Variants in DDX17 observed in about 807,000 individuals in gnomAD.
The protein encoded by DDX17 is probable ATP-dependent RNA helicase DDX17.
In DDX17, 10 loss-of-function variants were observed where a neutral mutation model predicts 80.8. The ratio of observed to expected loss-of-function variants is 0.12; its 90% CI spans 0.08 to 0.21. DDX17 has a LOEUF of 0.21. DDX17 is among the 10% of genes least tolerant of loss of function. The probability of loss-of-function intolerance (pLI) is 1.00; values close to 1 mark genes in which losing one functional copy is unlikely to be tolerated. For missense variants in DDX17, 586 were observed against 957.4 expected, an observed-to-expected ratio of 0.61 and a Z score of 5.12; for synonymous variants, 339 against 336.2, an observed-to-expected ratio of 1.01 and a Z score of -0.09.
In DDX17 at chr22:38,486,271, G is replaced by C; in HGVS notation, c.1854C>G (p.Gly618=). Reference sequence around the variant, plus strand: ...CAAAGGCAGAATTTGGACTTCCATAGCCACTGCCATTAGCATAACCAGCTC... The same window carrying C: ...CAAAGGCAGAATTTGGACTTCCATACCCACTGCCATTAGCATAACCAGCTC... Residue 618 remains glycine (G), a synonymous_variant, in exon 13 of 13, where the codon GGC becomes GGG. Transcript: ENST00000403230. The C allele has an allele frequency of 6.2e-7, 1 of 1,614,138 alleles. No individual in the cohort carries two copies. The highest frequency in any genetic ancestry group is 2.2e-5 in the East Asian group (1 of 44,882).
intron 1 of DDX17, among the ~76,000 whole-genome samples, chr22:38,504,801 AAAGT>A (rs1472210115): frequency 1.3e-5 from 2 of 152,192 alleles, no homozygotes; most frequent in Admixed American, 1.3e-4. Context: ...ACAACACAGC[AAAGT>A]AAAGGCAATT....
At position 38,483,654 on chromosome 22, in the gene DDX17, T is replaced by C. The variant is rs547551408; in HGVS notation, c.*2281A>G. On this transcript the variant is annotated 3_prime_UTR_variant, in exon 13 of 13. Coordinates refer to ENST00000403230, the MANE Select transcript of DDX17 (RefSeq NM_006386.5). ...AGCACTGATCCCAAGCAAAAGCCAC[T>C]AACCTTTTAGATGAGAAGTCCACAC... The C allele has an allele frequency of 2.0e-5, 3 of 152,734 alleles. No individual in the cohort carries two copies. The highest frequency in any genetic ancestry group is 7.2e-5 in the African/African-American group (3 of 41,574). The allele number at this position is 152,734 out of a possible 1,614,324, so 9.5% of individuals were successfully genotyped here. A position where few individuals can be genotyped will look rare whatever the true frequency, so the allele number is the denominator to read the frequency against.
At chr22:38,497,801 A>AC (rs1250538595) in intron 5 of DDX17, among the ~76,000 whole-genome samples, 1 of 151,864 alleles carries the variant, frequency 6.6e-6, no homozygotes, top group East Asian at 1.9e-4. Context: ...AACAAAAAAA[A>AC]CCACACCAAA....
chr22:38,488,182 CCAA>C (rs2089679817), intron 11 of DDX17, 67 bp from the exon 12 acceptor site: 21 of 1,609,230 alleles, frequency 1.3e-5, no homozygotes, highest in Non-Finnish European at 1.7e-5. Context: ...AAAGGACATG[CCAA>C]CAACAGGTGG....
chr22:38,493,915 G>T, intron 9 of DDX17, 106 bp downstream of exon 9: 2 of 1,167,212 alleles, frequency 1.7e-6, no homozygotes, highest in Non-Finnish European at 2.5e-6. Context: ...AGAGCAAACT[G>T]CATGGATAGG....
rs2089621761 is a variant in DDX17 at position 38,483,485 on chromosome 22, T to C, written c.*2450A>G. On this transcript the variant is annotated 3_prime_UTR_variant, in exon 13 of 13. Coordinates refer to ENST00000403230, the MANE Select transcript of DDX17 (RefSeq NM_006386.5). ...TTATACCTACAAAAAGAAAACAAGATGATGGTATCAAAAGGACAATTTACA... is the reference window on the plus strand; with the variant it reads ...TTATACCTACAAAAAGAAAACAAGACGATGGTATCAAAAGGACAATTTACA... 1 of 152,616 alleles carries C rather than the reference T, an allele frequency of 6.6e-6. No homozygotes were observed. The highest frequency in any genetic ancestry group is 2.4e-5 in the African/African-American group (1 of 41,462). 9.5% of individuals were successfully genotyped at this position (152,616 alleles called of 1,614,324 possible).
At position 38,495,864 on chromosome 22, in the gene DDX17, G is replaced by C. The variant is rs1430955915; in HGVS notation, c.812C>G (p.Ser271Cys). 6.2e-7 allele frequency: 1 copy of C among 1,611,396 alleles called. No homozygotes were observed. The highest frequency in any genetic ancestry group is 1.3e-5 in the African/African-American group (1 of 74,514). Residue 271 changes from serine to cysteine, a missense_variant, in exon 6 of 13, where the codon TCT (serine) becomes TGT (cysteine). Transcript: ENST00000403230. ...ATAAATACAAGTACTCTTCAATCTA[G>C]AACATTTGCCATAGTCATCGGCCAC... is the stretch of plus-strand genomic sequence containing the variant.
chr22:38,503,437 C>T lies in DDX17; in HGVS notation c.288-2157G>A, dbSNP rs765350776. On this transcript the variant is annotated intron_variant, in intron 1 of 12. Coordinates refer to ENST00000403230, the MANE Select transcript of DDX17 (RefSeq NM_006386.5). The stretch of plus-strand genomic sequence containing the variant: ...TATCATTCATGTATTTTTTTTTCCT[C>T]TCTCCTTACTTCCCTGGCTATTTAT... 5.9e-4 allele frequency among the ~76,000 whole-genome samples: 90 copies of T among 151,690 alleles called. 1 individual carries two copies. The highest frequency in any genetic ancestry group is 1.0e-3 in the Admixed American group (16 of 15,260).
chr22:38,498,627 G>C (rs1312411394), intron 3 of DDX17, 54 bp from the exon 4 acceptor site: 1 of 1,589,206 alleles, frequency 6.3e-7, no homozygotes, highest in East Asian at 2.2e-5. Context: ...CACAAACCAA[G>C]AGTTTTTAAA....
At chr22:38,502,576 T>C (rs1289963158) in intron 1 of DDX17, among the ~76,000 whole-genome samples, 2 of 152,178 alleles carry the variant, frequency 1.3e-5, no homozygotes, top group East Asian at 1.9e-4. Context: ...ACTAATTACT[T>C]AAGATCAACT....
At position 38,505,911 on chromosome 22, in the gene DDX17, AC is replaced by A. The variant is rs763335372; in HGVS notation, c.287+39del. 4 of 740,634 alleles carry A rather than the reference AC, an allele frequency of 5.4e-6. No homozygotes were observed. In the African/African-American group the frequency reaches 8.6e-5, roughly 16 times the overall value. 45.9% of individuals were successfully genotyped at this position (740,634 alleles called of 1,614,324 possible). ...GGCCTCCCCAAGAAGCAACTCCCCCACCCCCACGCCAGGCCTCTCCTCTCCT... is the reference window on the plus strand; with the variant it reads ...GGCCTCCCCAAGAAGCAACTCCCCCACCCCACGCCAGGCCTCTCCTCTCCT... On this transcript the variant is annotated intron_variant, in intron 1 of 12. Transcript: ENST00000403230.
intron 1 of DDX17, among the ~76,000 whole-genome samples, chr22:38,503,827 AACC>A (rs1361384718): frequency 6.6e-6 from 1 of 152,240 alleles, no homozygotes; most frequent in African/African-American, 2.4e-5. Context: ...TTTTCAAAAT[AACC>A]ACCACTTCAA....
At chr22:38,493,913 C>T (rs947700437) in intron 9 of DDX17, 108 bp downstream of exon 9, 5 of 1,194,236 alleles carry the variant, frequency 4.2e-6, no homozygotes, top group South Asian at 2.6e-5. Flanking sequence ...AAAGAGCAAA[C>T]TGCATGGATA....
chr22:38,487,149 C>T (rs2089668168), intron 12 of DDX17, among the ~76,000 whole-genome samples: 1 of 152,100 alleles, frequency 6.6e-6, no homozygotes, highest in South Asian at 2.1e-4. Context: ...GTCTGGGCAA[C>T]AGAGTGAGAC....
Position 38,489,749 on chromosome 22 carries a change from GA to G in DDX17, c.1448-1635del, listed in dbSNP as rs767112936. 8.1e-6 allele frequency: 8 copies of G among 985,302 alleles called. No individual in the cohort carries two copies. The highest frequency in any genetic ancestry group is 9.6e-6 in the Non-Finnish European group (8 of 830,020). 61.0% of individuals were successfully genotyped at this position (985,302 alleles called of 1,614,324 possible). A position where few individuals can be genotyped will look rare whatever the true frequency, so the allele number is the denominator to read the frequency against. On this transcript the variant is annotated intron_variant, in intron 11 of 12. Coordinates refer to ENST00000403230, the MANE Select transcript of DDX17 (RefSeq NM_006386.5). The surrounding 1 kb of genome is among the most constrained non-coding windows in gnomAD (Gnocchi z 4.6). The stretch of plus-strand genomic sequence containing the variant: ...GTCCTGAATCACACCAGAAAGACGA[GA>G]AGGCACTTATCACAGGGGGCAGCTT...
rs567492970 is a variant in DDX17 at position 38,494,307 on chromosome 22, T to C, written c.1215-176A>G. The C allele has an allele frequency of 6.7e-6, 4 of 598,486 alleles. No homozygotes were observed. In the East Asian group the frequency reaches 1.1e-4, roughly 17 times the overall value. The allele number at this position is 598,486 out of a possible 1,614,324, so 37.1% of individuals were successfully genotyped here. A position where few individuals can be genotyped will look rare whatever the true frequency, so the allele number is the denominator to read the frequency against. On this transcript the variant is annotated intron_variant, in intron 8 of 12. Coordinates refer to ENST00000403230, the MANE Select transcript of DDX17 (RefSeq NM_006386.5). ...TGCTATGTGCTCAAGAAATACTAAC[T>C]CATACCATCCTCACAGCAAGTCTCA...
At chr22:38,490,447 A>T in intron 11 of DDX17, 1 of 1,289,302 alleles carries the variant, frequency 7.8e-7, no homozygotes, top group Non-Finnish European at 1.0e-6. Context: ...CTGTTAAAAA[A>T]CAAAACAAAA....
rs766314206 is a variant in DDX17, at chr22:38,494,819, G to C, written c.1042-17C>G. On this transcript the variant is annotated splice_polypyrimidine_tract_variant and intron_variant, in intron 7 of 12. Coordinates refer to ENST00000403230, the MANE Select transcript of DDX17 (RefSeq NM_006386.5). Reference sequence around the variant, plus strand: ...CCTATCAGGCTATCAAAAAAGGAAAGGCTTTCTTTCAGGCTAAGGAACTTG... The same window carrying C: ...CCTATCAGGCTATCAAAAAAGGAAACGCTTTCTTTCAGGCTAAGGAACTTG... The C allele has an allele frequency of 3.7e-6, 6 of 1,613,838 alleles. No individual in the cohort carries two copies. The Admixed American group carries it at 1.0e-4, about 27-fold the overall frequency.
In DDX17 at chr22:38,493,653, A is replaced by G. The variant is rs1325114894; in HGVS notation, c.1387+57T>C. 1.2e-5 allele frequency: 17 copies of G among 1,369,282 alleles called. No individual in the cohort carries two copies. The African/African-American group carries it at 2.0e-4, about 16-fold the overall frequency. The allele number at this position is 1,369,282 out of a possible 1,614,324, so 84.8% of individuals were successfully genotyped here. On this transcript the variant is annotated intron_variant, in intron 10 of 12. Coordinates refer to ENST00000403230, the MANE Select transcript of DDX17 (RefSeq NM_006386.5). ...CCTATCCCTGAAATAGAGCATGAAC[A>G]TTCACTTATGGGCAGGGGGTGGGGA...
Sources: allele counts gnomAD v4.1 joint callset (sites outside exome capture counted in the v4.1 genomes callset), GRCh38; gene constraint gnomAD v4.1.1; non-coding constraint Gnocchi (gnomAD v3.1); transcripts MANE v1.5; gene names NCBI Gene and HGNC (gene_info 2026-07-23, HGNC 2026-07-21).